Variants in SHANK2 observed in about 807,000 individuals in gnomAD.
SHANK2 encodes SH3 and multiple ankyrin repeat domains 2.
SHANK2 carries 43 observed loss-of-function variants against 133.7 expected under a neutral mutation model. The observed-to-expected ratio is 0.32, with a 90% confidence interval of 0.25 to 0.41. The LOEUF is 0.41. SHANK2 is among the 10% of genes least tolerant of loss of function. The pLI is 1.00. For synonymous variants in SHANK2, 1,017 were observed against 952.8 expected, an observed-to-expected ratio of 1.07 and a Z score of -1.24; for missense variants, 1,994 against 2,235.8, an observed-to-expected ratio of 0.89 and a Z score of 2.18.
At chr11:70,744,736 T>C (rs1946602882) in intron 14 of SHANK2, among the ~76,000 whole-genome samples, 1 of 152,228 alleles carries the variant, frequency 6.6e-6, no homozygotes, top group Admixed American at 6.5e-5. Flanking sequence ...ACGAAGTTTC[T>C]TGGGGCCAAT....
At chr11:70,504,816 G>T (rs1484832784) in intron 17 of SHANK2, among the ~76,000 whole-genome samples, 2 of 152,128 alleles carry the variant, frequency 1.3e-5, no homozygotes, top group Admixed American at 1.3e-4. Context: ...GCAGACCTCA[G>T]CTTGCAGGAC....
rs1262911627 is a variant in SHANK2 at position 70,711,955 on chromosome 11, G to A, written c.1778-13192C>T. On this transcript the variant is annotated intron_variant, in intron 14 of 25. Transcript: ENST00000601538. ...GGTGGCCTGGGCTCCTGCAGCTGCC[G>A]GCACAGACGACCAGGCTCGGTGGCC... is the stretch of plus-strand genomic sequence containing the variant. Among the ~76,000 whole-genome samples, 4 of 152,238 alleles carry A rather than the reference G, an allele frequency of 2.6e-5. No homozygotes were observed. In the East Asian group the frequency reaches 5.8e-4, roughly 22 times the overall value.
intron 10 of SHANK2, among the ~76,000 whole-genome samples, chr11:70,926,921 G>A (rs578089550): frequency 2.6e-5 from 4 of 152,312 alleles, no homozygotes; most frequent in East Asian, 1.9e-4. Context: ...TGACCCACTC[G>A]AGCTGGAGGA....
intron 17 of SHANK2, among the ~76,000 whole-genome samples, chr11:70,512,410 A>G (rs2059215938): frequency 6.6e-6 from 1 of 152,210 alleles, no homozygotes; most frequent in Admixed American, 6.5e-5. Flanking sequence ...CTAGATCACC[A>G]TTCAGGATTT....
rs1391295569 is a variant in SHANK2 at position 70,882,254 on chromosome 11, G to A, written c.1174+14247C>T. 5.9e-5 allele frequency among the ~76,000 whole-genome samples: 9 copies of A among 152,080 alleles called. No individual in the cohort carries two copies. The highest frequency in any genetic ancestry group is 1.2e-4 in the Non-Finnish European group (8 of 68,014). On this transcript the variant is annotated intron_variant, in intron 11 of 25. Coordinates refer to ENST00000601538, the MANE Select transcript of SHANK2 (RefSeq NM_012309.5). This position sits in a 1 kb window ranked among gnomAD's most constrained non-coding sequence, Gnocchi z 4.2. The stretch of plus-strand genomic sequence containing the variant: ...GAGAGAAGAACGGGTGGCTCTGCTC[G>A]GCCCATTCACCAAGTGTTTCCAGGC...
At chr11:71,063,154 T>C (rs1460943196) in intron 9 of SHANK2, among the ~76,000 whole-genome samples, 1 of 152,146 alleles carries the variant, frequency 6.6e-6, no homozygotes, top group East Asian at 1.9e-4. Flanking sequence ...ATAAAGGACA[T>C]GTACTTCCTA....
At chr11:71,117,595 CA>C (rs142203286) in intron 4 of SHANK2, among the ~76,000 whole-genome samples, 29,408 of 152,036 alleles carry the variant, frequency 0.19, 3,121 homozygotes, top group South Asian at 0.31. Flanking sequence ...TCACCATGGT[CA>C]GTGATTTCAT....
At chr11:70,615,839 C>G (rs1048087453) in intron 17 of SHANK2, among the ~76,000 whole-genome samples, 3 of 152,166 alleles carry the variant, frequency 2.0e-5, no homozygotes, top group African/African-American at 7.2e-5. Context: ...CCGGTATTGG[C>G]TTTGTTGGCA....
In SHANK2 at chr11:71,075,212, C is replaced by A; in HGVS notation, c.976G>T (p.Ala326Ser). 3.8e-6 allele frequency: 1 copy of A among 261,470 alleles called. No homozygotes were observed. The allele number at this position is 261,470 out of a possible 1,614,324, so 16.2% of individuals were successfully genotyped here. A position where few individuals can be genotyped will look rare whatever the true frequency, so the allele number is the denominator to read the frequency against. The change falls in exon 9 of 26, where the codon GCC becomes TCC. Residue 326 changes from alanine to serine, a missense_variant. Coordinates refer to ENST00000601538, the MANE Select transcript of SHANK2 (RefSeq NM_012309.5). ...HLLFYGADMS[A>S]QNASGNTALH... ...GCCGTGTTCCCCGAGGCATTCTGGGCACTCATGTCTGCCCCGTAGAACAGC... is the reference window on the plus strand; with the variant it reads ...GCCGTGTTCCCCGAGGCATTCTGGGAACTCATGTCTGCCCCGTAGAACAGC...
At chr11:71,251,097 C>A (rs1948170464) in intron 1 of SHANK2, among the ~76,000 whole-genome samples, 1 of 152,100 alleles carries the variant, frequency 6.6e-6, no homozygotes, top group Non-Finnish European at 1.5e-5. Flanking sequence ...TCGCCTGACC[C>A]CCCCACCACC....
intron 17 of SHANK2, among the ~76,000 whole-genome samples, chr11:70,598,439 T>TC (rs1326388507): frequency 6.6e-6 from 1 of 152,156 alleles, no homozygotes; most frequent in Non-Finnish European, 1.5e-5. Flanking sequence ...AAGTTGCAAA[T>TC]CCTTTCATAA....
At chr11:70,854,137 T>C (rs182044477) in intron 11 of SHANK2, among the ~76,000 whole-genome samples, 1 of 152,236 alleles carries the variant, frequency 6.6e-6, no homozygotes, top group African/African-American at 2.4e-5. Flanking sequence ...GATTTTCATA[T>C]GTACACGCAT....
intron 2 of SHANK2, among the ~76,000 whole-genome samples, chr11:71,149,874 G>A (rs1952733905): frequency 1.1e-5 from 1 of 91,098 alleles, no homozygotes; most frequent in Non-Finnish European, 2.1e-5. Context: ...AAAGAAGGAA[G>A]GTGAGAAGGA....
At chr11:70,862,336 C>A (rs1340009047) in intron 11 of SHANK2, among the ~76,000 whole-genome samples, 2 of 152,176 alleles carry the variant, frequency 1.3e-5, no homozygotes, top group African/African-American at 4.8e-5. Flanking sequence ...GGGGTGGAGA[C>A]TGGGTTGTAG....
chr11:70,551,900 AGG>A (rs1554978176), intron 17 of SHANK2, among the ~76,000 whole-genome samples: 2 of 152,164 alleles, frequency 1.3e-5, no homozygotes, highest in African/African-American at 4.8e-5. Flanking sequence ...TTGAGGCTGG[AGG>A]GCTGGGGAGC....
chr11:70,795,569 C>T (rs1947893259), intron 14 of SHANK2, among the ~76,000 whole-genome samples: 1 of 152,054 alleles, frequency 6.6e-6, no homozygotes, highest in African/African-American at 2.4e-5. Flanking sequence ...CCATGTCCGG[C>T]TAATTTTTGC....
At chr11:71,059,508 T>A (rs950859287) in intron 9 of SHANK2, among the ~76,000 whole-genome samples, 5 of 152,014 alleles carry the variant, frequency 3.3e-5, no homozygotes, top group Non-Finnish European at 7.4e-5. Flanking sequence ...CAATAGAGGG[T>A]CACATACATA....
chr11:70,564,829 AT>A (rs2059948684), intron 17 of SHANK2, among the ~76,000 whole-genome samples: 1 of 152,164 alleles, frequency 6.6e-6, no homozygotes. Flanking sequence ...TGGAAGTTTG[AT>A]TTGGGTTAAA....
At chr11:70,934,267 G>T (rs1247445412) in intron 10 of SHANK2, among the ~76,000 whole-genome samples, 1 of 137,416 alleles carries the variant, frequency 7.3e-6, no homozygotes, top group African/African-American at 2.7e-5. Flanking sequence ...AAAAAAAACA[G>T]CAGCAACAAC....
Sources: allele counts gnomAD v4.1 joint callset (sites outside exome capture counted in the v4.1 genomes callset), GRCh38; gene constraint gnomAD v4.1.1; non-coding constraint Gnocchi (gnomAD v3.1); transcripts MANE v1.5; gene names NCBI Gene and HGNC (gene_info 2026-07-23, HGNC 2026-07-21).